The following SUGT1 variants were observed in gnomAD, a reference collection of about 807,000 sequenced individuals.
SUGT1 encodes SGT1 assembly cochaperone of MIS12 kinetochore complex, also known as protein SGT1 homolog.
Under a neutral mutation model 56.1 loss-of-function variants are expected in SUGT1, and 15 were observed. The ratio of observed to expected loss-of-function variants is 0.27; its 90% CI spans 0.18 to 0.41. SUGT1 has a LOEUF of 0.41. Ranked by LOEUF, SUGT1 falls within the 10% of genes least tolerant of loss-of-function variation. SUGT1 has a pLI of 1.00. For missense variants in SUGT1, 347 were observed against 382.2 expected (o/e 0.91, Z 0.77); for synonymous variants, 123 against 128.6 (o/e 0.96, Z 0.30).
intron 2 of SUGT1, 136 bp downstream of exon 2, chr13:52,653,239 A>G (rs533022054): frequency 3.8e-6 from 4 of 1,051,400 alleles, no homozygotes; most frequent in South Asian, 3.0e-5. Context: ...CAGCTCCGGT[A>G]TTGAGATTCT....
rs1963144083 is a variant in SUGT1 at position 52,676,375 on chromosome 13, A to G, written c.718+55A>G. 11 of 1,389,594 alleles carry G rather than the reference A, an allele frequency of 7.9e-6. No individual in the cohort carries two copies. In the East Asian group the frequency reaches 2.6e-4, roughly 33 times the overall value. 86.1% of individuals were successfully genotyped at this position (1,389,594 alleles called of 1,614,324 possible). A position where few individuals can be genotyped will look rare whatever the true frequency, so the allele number is the denominator to read the frequency against. On this transcript the variant is annotated intron_variant, in intron 11 of 12. Coordinates refer to ENST00000310528, the MANE Select transcript of SUGT1 (RefSeq NM_006704.5). ...ATTCATATTGTGTTGTGTAATTGAA[A>G]TTAAATAGTAATGAACATTCTTTTT...
Position 52,652,928 on chromosome 13 carries a change from C to T in SUGT1, c.8C>T (p.Ala3Val), listed in dbSNP as rs745759360. 92 of 1,613,786 alleles carry T rather than the reference C, an allele frequency of 5.7e-5. No individual in the cohort carries two copies. The highest frequency in any genetic ancestry group is 7.4e-5 in the Non-Finnish European group (87 of 1,179,892). The change falls in exon 1 of 13, where the codon GCG (alanine) becomes GTG (valine). Residue 3 changes from alanine (A) to valine (V), a missense_variant. Physicochemically the swap from Ala to Val is moderately conservative, Grantham distance 64. Coordinates refer to ENST00000310528, the MANE Select transcript of SUGT1 (RefSeq NM_006704.5). Reference protein sequence around the residue: MAAAAAGTATSQR... With the variant: MAVAAAGTATSQR... ...CAACAGCGACTACGAGGGATGGCGG[C>T]GGCTGCAGCAGGAACTGCAACATCC...
At chr13:52,657,691 T>G in intron 3 of SUGT1, 69 bp downstream of exon 3, 5 of 1,419,258 alleles carry the variant, frequency 3.5e-6, no homozygotes, top group Non-Finnish European at 4.8e-6. Flanking sequence ...CATGACAAAT[T>G]AAAAGTTGTC....
chr13:52,679,971 T>C lies in SUGT1; in HGVS notation c.719-3T>C, dbSNP rs566107450. 3.0e-5 allele frequency: 47 copies of C among 1,581,404 alleles called. No homozygotes were observed. The highest frequency in any genetic ancestry group is 3.9e-5 in the Non-Finnish European group (46 of 1,171,110). On this transcript the variant is annotated splice_polypyrimidine_tract_variant and splice_region_variant and intron_variant, in intron 11 of 12. Transcript: ENST00000310528. Reference sequence around the variant, plus strand: ...ATTACTTCTGCCTTTTTTTACTTCATAGATGTAAAGAACCTATATCCATCA... The same window carrying C: ...ATTACTTCTGCCTTTTTTTACTTCACAGATGTAAAGAACCTATATCCATCA...
rs1162033558 is a variant in SUGT1 at position 52,688,583 on chromosome 13, TG to T, written c.*750del. 1 of 152,178 alleles carries T rather than the reference TG, an allele frequency of 6.6e-6. No homozygotes were observed. The highest frequency in any genetic ancestry group is 1.9e-4 in the East Asian group (1 of 5,190). 9.4% of individuals were successfully genotyped at this position (152,178 alleles called of 1,614,324 possible). On this transcript the variant is annotated 3_prime_UTR_variant, in exon 13 of 13. Coordinates refer to ENST00000310528, the MANE Select transcript of SUGT1 (RefSeq NM_006704.5). ...GACAGGATTCTTGAAATTACAGCAT[TG>T]GTGGGTTTTTTGGTATTTTTTTTCT...
intron 10 of SUGT1, among the ~76,000 whole-genome samples, chr13:52,671,042 A>G (rs1962915028): frequency 1.3e-5 from 2 of 152,050 alleles, no homozygotes; most frequent in South Asian, 4.1e-4. Flanking sequence ...CCTATTGCTT[A>G]ATGTTCATAG....
At position 52,691,547 on chromosome 13, in the gene SUGT1, G is replaced by C. The variant is rs1036236237; in HGVS notation, c.*3712G>C. On this transcript the variant is annotated 3_prime_UTR_variant, in exon 13 of 13. Transcript: ENST00000310528. ...CTTAAATTCCCTTGGAATCTTTCCT[G>C]TTCAGATTGGTGTGCATCTCTCTGA... The C allele has an allele frequency of 6.6e-6, 1 of 151,974 alleles. No individual in the cohort carries two copies. The highest frequency in any genetic ancestry group is 1.5e-5 in the Non-Finnish European group (1 of 67,994). 9.4% of individuals were successfully genotyped at this position (151,974 alleles called of 1,614,324 possible).
Position 52,693,493 on chromosome 13 carries a change from A to G in SUGT1, c.*5658A>G, listed in dbSNP as rs527481366. On this transcript the variant is annotated 3_prime_UTR_variant, in exon 13 of 13. Transcript: ENST00000310528. ...AAAGACAGTATTGCATAGTGGTTAA[A>G]TGCATGGACTCTGAAGCCATCCTGT... The G allele has an allele frequency of 6.6e-6, 1 of 152,358 alleles. No homozygotes were observed. Among genetic ancestry groups the G allele is most frequent in the South Asian group, 2.1e-4 (1 of 4,830 alleles). 9.4% of individuals were successfully genotyped at this position (152,358 alleles called of 1,614,324 possible). A position where few individuals can be genotyped will look rare whatever the true frequency, so the allele number is the denominator to read the frequency against.
rs906691259 is a variant in SUGT1, at chr13:52,700,733, A to G, written c.*12898A>G. 10 of 152,196 alleles carry G rather than the reference A, an allele frequency of 6.6e-5. No homozygotes were observed. The highest frequency in any genetic ancestry group is 2.4e-4 in the African/African-American group (10 of 41,434). The allele number at this position is 152,196 out of a possible 1,614,324, so 9.4% of individuals were successfully genotyped here. On this transcript the variant is annotated 3_prime_UTR_variant, in exon 13 of 13. Coordinates refer to ENST00000310528, the MANE Select transcript of SUGT1 (RefSeq NM_006704.5). ...TGGTCAACTCTCTCCTCCTCCCTCA[A>G]TAAATCAGTTAACTTAAAAAATATA...
rs1196919435 is a variant in SUGT1, at chr13:52,688,500, T to G, written c.*665T>G. 2.0e-5 allele frequency: 3 copies of G among 152,190 alleles called. No homozygotes were observed. Among genetic ancestry groups the G allele is most frequent in the Non-Finnish European group, 2.9e-5 (2 of 68,018 alleles). The allele number at this position is 152,190 out of a possible 1,614,324, so 9.4% of individuals were successfully genotyped here. A position where few individuals can be genotyped will look rare whatever the true frequency, so the allele number is the denominator to read the frequency against. Reference sequence around the variant, plus strand: ...GCAAGTTTATACTAAGGATAATCTGTGAAGGTAGGGCAAAGAAGGTTCTAG... The same window carrying G: ...GCAAGTTTATACTAAGGATAATCTGGGAAGGTAGGGCAAAGAAGGTTCTAG... On this transcript the variant is annotated 3_prime_UTR_variant, in exon 13 of 13. Coordinates refer to ENST00000310528, the MANE Select transcript of SUGT1 (RefSeq NM_006704.5).
At chr13:52,665,595 A>G in intron 8 of SUGT1, 42 bp from the exon 9 acceptor site, 1 of 1,464,058 alleles carries the variant, frequency 6.8e-7, no homozygotes, top group East Asian at 2.4e-5. Flanking sequence ...AGCTTTAAAA[A>G]AATTAGAAGA....
chr13:52,658,453 C>T lies in SUGT1; in HGVS notation c.242C>T (p.Ala81Val), dbSNP rs1477327629. 7.4e-6 allele frequency: 12 copies of T among 1,612,818 alleles called. No individual in the cohort carries two copies. The highest frequency in any genetic ancestry group is 1.0e-5 in the Non-Finnish European group (12 of 1,179,692). ...SLELNPNNST[A>V]MLRKGICEYH... ...GAACTCAATCCAAATAATTCCACTGCTATGCTGAGAAAAGGGTATGCAGTA... is the reference window on the plus strand; with the variant it reads ...GAACTCAATCCAAATAATTCCACTGTTATGCTGAGAAAAGGGTATGCAGTA... The change falls in exon 4 of 13, where the codon GCT (alanine) becomes GTT (valine). Residue 81 changes from alanine to valine, a missense_variant. Transcript: ENST00000310528.
rs895095226 is a variant in SUGT1, at chr13:52,690,939, A to T, written c.*3104A>T. On this transcript the variant is annotated 3_prime_UTR_variant, in exon 13 of 13. Transcript: ENST00000310528. ...TAGGCTGGAGTGCAGTGGTGCGATCATGGCTCACTGTAGCCTCCAACTCCT... is the reference window on the plus strand; with the variant it reads ...TAGGCTGGAGTGCAGTGGTGCGATCTTGGCTCACTGTAGCCTCCAACTCCT... 4.6e-5 allele frequency: 7 copies of T among 152,206 alleles called. No individual in the cohort carries two copies. The highest frequency in any genetic ancestry group is 1.4e-4 in the African/African-American group (6 of 41,430). The allele number at this position is 152,206 out of a possible 1,614,324, so 9.4% of individuals were successfully genotyped here.
chr13:52,653,895 G>T (rs759132321), intron 2 of SUGT1, among the ~76,000 whole-genome samples: 9 of 152,214 alleles, frequency 5.9e-5, no homozygotes, highest in Non-Finnish European at 1.3e-4. Flanking sequence ...GCAAGACAGC[G>T]TCTTTTCTAG....
chr13:52,662,597 G>A, intron 5 of SUGT1, 52 bp from the exon 6 acceptor site: 1 of 1,585,874 alleles, frequency 6.3e-7, no homozygotes, highest in East Asian at 2.2e-5. Flanking sequence ...AGTATTTGTT[G>A]ATTTATAGGT....
At chr13:52,681,232 A>G (rs1429743010) in intron 12 of SUGT1, among the ~76,000 whole-genome samples, 4 of 150,536 alleles carry the variant, frequency 2.7e-5, no homozygotes, top group East Asian at 2.0e-4. Context: ...CCTGGGCAAC[A>G]TAGAGAGACC....
intron 11 of SUGT1, among the ~76,000 whole-genome samples, chr13:52,678,006 A>AT (rs1963218099): frequency 1.3e-5 from 2 of 152,300 alleles, no homozygotes; most frequent in Admixed American, 6.5e-5. Flanking sequence ...TACTTGTCAG[A>AT]TTCCTGTGTA....
At chr13:52,657,952 T>G (rs1325180189) in intron 3 of SUGT1, 6 of 453,880 alleles carry the variant, frequency 1.3e-5, no homozygotes, top group Non-Finnish European at 2.0e-5. Flanking sequence ...CCAGGCATGG[T>G]GGCTCACGCC....
At chr13:52,663,818 T>C (rs1381077418) in intron 7 of SUGT1, among the ~76,000 whole-genome samples, 1 of 152,218 alleles carries the variant, frequency 6.6e-6, no homozygotes, top group African/African-American at 2.4e-5. Context: ...TCTAAGATTT[T>C]TTAAATGCTG....
Sources: gnomAD v4.1 joint callset for allele counts (sites outside exome capture counted in the v4.1 genomes callset) on GRCh38, gnomAD v4.1.1 for gene constraint, MANE v1.5 for transcripts, NCBI Gene and HGNC (gene_info 2026-07-23, HGNC 2026-07-21) for gene names.